SNX2: variants seen among roughly 807,000 people sequenced by gnomAD.
SNX2 encodes sorting nexin 2.
A neutral mutation model predicts 69.9 loss-of-function variants in SNX2; 25 were observed. The ratio of observed to expected loss-of-function variants is 0.36; its 90% CI spans 0.26 to 0.50. The LOEUF (loss-of-function observed/expected upper bound fraction) is 0.50, where lower values mean the gene tolerates loss of function less well. Among genes scored for constraint, SNX2 ranks in the 20% least tolerant of loss-of-function variants. The pLI is 0.97. For missense variants in SNX2, 551 were observed against 613.3 expected (o/e 0.90, Z 1.07); for synonymous variants, 229 against 200.4 (o/e 1.14, Z -1.20).
intron 1 of SNX2, among the ~76,000 whole-genome samples, chr5:122,782,039 C>T (rs1303805592): frequency 1.3e-5 from 2 of 152,150 alleles, no homozygotes; most frequent in Non-Finnish European, 2.9e-5. Context: ...AAATCTGGAT[C>T]TTCTCCTCTG....
intron 1 of SNX2, among the ~76,000 whole-genome samples, chr5:122,777,993 A>G (rs1752891198): frequency 6.6e-6 from 1 of 152,048 alleles, no homozygotes; most frequent in Non-Finnish European, 1.5e-5. Flanking sequence ...CTCTTCCCAG[A>G]CTCTTGTAAT....
At chr5:122,821,417 CT>C (rs1361833213) in intron 11 of SNX2, among the ~76,000 whole-genome samples, 1 of 151,238 alleles carries the variant, frequency 6.6e-6, no homozygotes, top group Non-Finnish European at 1.5e-5. Flanking sequence ...ACCCACTCCA[CT>C]TAATAGGGCG....
At chr5:122,780,614 G>T (rs1490284850) in intron 1 of SNX2, among the ~76,000 whole-genome samples, 1 of 148,522 alleles carries the variant, frequency 6.7e-6, no homozygotes, top group Non-Finnish European at 1.5e-5. Context: ...CGCTGTCCCA[G>T]GCTGGAGTGC....
At position 122,816,827 on chromosome 5, in the gene SNX2, G is replaced by GT. The variant is rs1266735704; in HGVS notation, c.799-88_799-87insT. On this transcript the variant is annotated intron_variant, in intron 8 of 14. Coordinates refer to ENST00000379516, the MANE Select transcript of SNX2 (RefSeq NM_003100.4). ...TTTAAAATTTGTATGTGGGGGGGAGGGGGGAGGAGGGGGGATCACTTTTGT... is the reference window on the plus strand; with the variant it reads ...TTTAAAATTTGTATGTGGGGGGGAGGTGGGGAGGAGGGGGGATCACTTTTGT... The GT allele has an allele frequency of 2.1e-5, 12 of 572,192 alleles. No homozygotes were observed. The African/African-American group carries it at 2.2e-4, about 10-fold the overall frequency. 35.4% of individuals were successfully genotyped at this position (572,192 alleles called of 1,614,324 possible).
intron 2 of SNX2, among the ~76,000 whole-genome samples, chr5:122,797,803 A>G (rs758067220): frequency 2.0e-5 from 3 of 152,204 alleles, no homozygotes; most frequent in Non-Finnish European, 2.9e-5. Flanking sequence ...TCTGCTTTAA[A>G]TTAAACCTTA....
At chr5:122,806,965 AATT>A (rs1426616562) in intron 6 of SNX2, among the ~76,000 whole-genome samples, 35 of 152,208 alleles carry the variant, frequency 2.3e-4, no homozygotes, top group Non-Finnish European at 1.3e-4. Context: ...ATTGGAATAT[AATT>A]TACATACCAT....
In SNX2 at chr5:122,827,615, A is replaced by G. The variant is rs766350588; in HGVS notation, c.1478A>G (p.Tyr493Cys). The change falls in exon 14 of 15, where the codon TAC becomes TGC. Residue 493 changes from tyrosine to cysteine, a missense_variant. Transcript: ENST00000379516. ...VKDFKTVIIK[Y>C]LESLVQTQQQ... Reference sequence around the variant, plus strand: ...GATTTTAAAACCGTTATCATCAAGTACTTAGAATCACTAGTTCAAACACAA... The same window carrying G: ...GATTTTAAAACCGTTATCATCAAGTGCTTAGAATCACTAGTTCAAACACAA... 6.2e-7 allele frequency: 1 copy of G among 1,613,180 alleles called. No homozygotes were observed. Among genetic ancestry groups the G allele is most frequent in the Non-Finnish European group, 8.5e-7 (1 of 1,179,342 alleles).
At chr5:122,797,667 GA>G (rs1753414314) in intron 2 of SNX2, among the ~76,000 whole-genome samples, 1 of 152,106 alleles carries the variant, frequency 6.6e-6, no homozygotes, top group African/African-American at 2.4e-5. Flanking sequence ...TATACCAGAG[GA>G]GAGAATATAG....
intron 2 of SNX2, among the ~76,000 whole-genome samples, chr5:122,797,207 C>T (rs113246290): frequency 0.022 from 3,393 of 152,286 alleles, 135 homozygotes; most frequent in African/African-American, 0.078. Flanking sequence ...GGATTACAGG[C>T]GTGAGCCACT....
At chr5:122,780,701 C>T (rs1752961938) in intron 1 of SNX2, among the ~76,000 whole-genome samples, 2 of 151,724 alleles carry the variant, frequency 1.3e-5, no homozygotes, top group Non-Finnish European at 2.9e-5. Flanking sequence ...TTCCACGTAG[C>T]TGGGATTACA....
At chr5:122,775,750 G>T (rs1215460289) in intron 1 of SNX2, 3 of 985,470 alleles carry the variant, frequency 3.0e-6, no homozygotes, top group Non-Finnish European at 3.6e-6. Flanking sequence ...TTCTGATTTG[G>T]ACTGTTAAAT....
intron 1 of SNX2, among the ~76,000 whole-genome samples, chr5:122,783,781 T>C (rs1382173772): frequency 6.6e-6 from 1 of 152,154 alleles, no homozygotes; most frequent in Non-Finnish European, 1.5e-5. Context: ...AATTTTAGAA[T>C]CAATTTGTTG....
At chr5:122,776,457 G>A (rs970300845) in intron 1 of SNX2, among the ~76,000 whole-genome samples, 2 of 151,972 alleles carry the variant, frequency 1.3e-5, no homozygotes, top group Admixed American at 6.6e-5. Context: ...AAAAGTAATT[G>A]TGGTTTTTGC....
chr5:122,819,099 T>G (rs1581644719), intron 11 of SNX2, 76 bp downstream of exon 11: 9 of 1,156,518 alleles, frequency 7.8e-6, no homozygotes, highest in Non-Finnish European at 1.1e-5. Flanking sequence ...AATTATGTAT[T>G]TACATGTCTA....
intron 11 of SNX2, 53 bp from the exon 12 acceptor site, chr5:122,825,997 A>T: frequency 6.5e-7 from 1 of 1,527,050 alleles, no homozygotes; most frequent in South Asian, 1.2e-5. Flanking sequence ...TAGTGTTAAG[A>T]AAGTATTTTA....
intron 1 of SNX2, among the ~76,000 whole-genome samples, chr5:122,783,103 ATTT>A (rs200375716): frequency 1.7e-4 from 24 of 144,242 alleles, no homozygotes; most frequent in East Asian, 1.2e-3. Flanking sequence ...TGCCCAGCTA[ATTT>A]TTTTTTTTTT....
chr5:122,810,399 T>TAA (rs928838303), intron 7 of SNX2, among the ~76,000 whole-genome samples: 22 of 122,446 alleles, frequency 1.8e-4, no homozygotes, highest in African/African-American at 5.1e-4. Flanking sequence ...AATGATCAAT[T>TAA]AAAAAAAAAA....
chr5:122,780,718 C>T (rs767636287), intron 1 of SNX2, among the ~76,000 whole-genome samples: 28 of 151,760 alleles, frequency 1.8e-4, no homozygotes, highest in East Asian at 3.9e-4. Context: ...TACAGGTGCA[C>T]GCCACCATGC....
chr5:122,805,066 C>T (rs749019257), intron 6 of SNX2, among the ~76,000 whole-genome samples: 12 of 151,718 alleles, frequency 7.9e-5, no homozygotes, highest in East Asian at 2.0e-4. Flanking sequence ...CCGAGATGGG[C>T]GGATCACCTG....
Sources: allele counts gnomAD v4.1 joint callset (sites outside exome capture counted in the v4.1 genomes callset), GRCh38; gene constraint gnomAD v4.1.1; transcripts MANE v1.5; gene names NCBI Gene and HGNC (gene_info 2026-07-23, HGNC 2026-07-21).